The following GPR137B variants were observed in gnomAD, a reference collection of about 807,000 sequenced individuals.
The protein encoded by GPR137B is G protein-coupled receptor 137B, also known as integral membrane protein GPR137B.
In GPR137B, 42 loss-of-function variants were observed where a neutral mutation model predicts 42.5. The ratio of observed to expected loss-of-function variants is 0.99; its 90% CI spans 0.77 to 1.28. The LOEUF (loss-of-function observed/expected upper bound fraction) is 1.28. Among genes scored for constraint, GPR137B ranks in the 50% most tolerant of loss-of-function variants. The pLI, the probability that GPR137B is intolerant of heterozygous loss-of-function variation, is 0.00. For missense variants in GPR137B, 487 were observed against 493.9 expected (o/e 0.99, Z 0.13); for synonymous variants, 218 against 209.7 (o/e 1.04, Z -0.34).
At chr1:236,172,052 A>G (rs1571982377) in intron 2 of GPR137B, among the ~76,000 whole-genome samples, 1 of 152,144 alleles carries the variant, frequency 6.6e-6, no homozygotes, top group Non-Finnish European at 1.5e-5. Flanking sequence ...AAAAAAAAAA[A>G]AAAAAGTGAG....
intron 4 of GPR137B, chr1:236,180,255 A>G: frequency 2.2e-6 from 1 of 446,510 alleles, no homozygotes; most frequent in Non-Finnish European, 4.0e-6. Context: ...AACAGTTGTT[A>G]TACTACATTG....
chr1:236,146,895 G>C (rs1005639062), intron 1 of GPR137B, among the ~76,000 whole-genome samples: 1 of 151,998 alleles, frequency 6.6e-6, no homozygotes, highest in Admixed American at 6.6e-5. Flanking sequence ...TGCAACCTCC[G>C]CCTCCCAGAT....
chr1:236,197,862 A>G (rs964404184), intron 5 of GPR137B, among the ~76,000 whole-genome samples: 94 of 152,262 alleles, frequency 6.2e-4, no homozygotes, highest in Middle Eastern at 3.4e-3. Flanking sequence ...GTGGGATTAC[A>G]GGCATCTACC....
rs548064038 is a variant in GPR137B at position 236,146,768 on chromosome 1, T to A, written c.414+3732T>A. 3.9e-5 allele frequency among the ~76,000 whole-genome samples: 6 copies of A among 152,344 alleles called. No individual in the cohort carries two copies. The East Asian group carries it at 1.2e-3, about 29-fold the overall frequency. On this transcript the variant is annotated intron_variant, in intron 1 of 6. Coordinates refer to ENST00000366592, the MANE Select transcript of GPR137B (RefSeq NM_003272.4). ...TAAATTCTGCCATGTTAAGTCTCTT[T>A]CCACCCCTAATGACCTCTCAGGCAG...
chr1:236,198,046 C>G (rs1338439431), intron 5 of GPR137B, among the ~76,000 whole-genome samples: 1 of 151,966 alleles, frequency 6.6e-6, no homozygotes, highest in Non-Finnish European at 1.5e-5. Context: ...TATACGAGTA[C>G]TATGCTGTTT....
In GPR137B at chr1:236,184,860, G is replaced by A. The variant is rs1405478298; in HGVS notation, c.966+954G>A. 3.9e-5 allele frequency among the ~76,000 whole-genome samples: 6 copies of A among 152,038 alleles called. 1 individual carries two copies. Among genetic ancestry groups the A allele is most frequent in the Admixed American group, 6.6e-5 (1 of 15,262 alleles). ...CAGCTCACTGCAACCTCCGCCTCCC[G>A]GGTTTAAGCGATTCTCCTGCCTCAG... is the stretch of plus-strand genomic sequence containing the variant. On this transcript the variant is annotated intron_variant, in intron 5 of 6. Coordinates refer to ENST00000366592, the MANE Select transcript of GPR137B (RefSeq NM_003272.4).
chr1:236,162,104 T>C (rs1662220333), intron 1 of GPR137B, among the ~76,000 whole-genome samples: 1 of 152,154 alleles, frequency 6.6e-6, no homozygotes, highest in Admixed American at 6.5e-5. Context: ...AGTGATATGG[T>C]CAATAAAATC....
intron 4 of GPR137B, among the ~76,000 whole-genome samples, chr1:236,181,950 C>T (rs1662892228): frequency 7.3e-6 from 1 of 136,482 alleles, no homozygotes; most frequent in African/African-American, 2.9e-5. Context: ...TGGAGTGCAG[C>T]CGCACAATCT....
At chr1:236,169,707 C>G (rs1343005903) in intron 2 of GPR137B, among the ~76,000 whole-genome samples, 1 of 151,960 alleles carries the variant, frequency 6.6e-6, no homozygotes, top group Non-Finnish European at 1.5e-5. Context: ...GGGGAGAGGC[C>G]TATGACTTTC....
rs1218168912 is a variant in GPR137B at position 236,208,137 on chromosome 1, T to C, written c.1179T>C (p.Pro393=). ...CTTTGCAAGACTCAACTTTGGATCC[T>C]GACAAACCAAGCCTTGGGTAGCATC... ...AGTLQDSTLD[P]DKPSLG is the part of the protein sequence containing the mutation. Residue 393 remains proline (P), a synonymous_variant, in exon 7 of 7, where the codon CCT becomes CCC. Coordinates refer to ENST00000366592, the MANE Select transcript of GPR137B (RefSeq NM_003272.4). The C allele has an allele frequency of 6.2e-7, 1 of 1,613,296 alleles. No homozygotes were observed. Among genetic ancestry groups the C allele is most frequent in the African/African-American group, 1.3e-5 (1 of 75,052 alleles).
chr1:236,188,013 C>T (rs10802376), intron 5 of GPR137B, among the ~76,000 whole-genome samples: 50,205 of 151,714 alleles, frequency 0.33, 8,857 homozygotes, highest in East Asian at 0.6. Context: ...CCTTGAGCAG[C>T]AGTTTGTAGT....
intron 1 of GPR137B, among the ~76,000 whole-genome samples, chr1:236,167,127 G>C (rs1571976930): frequency 6.6e-6 from 1 of 152,320 alleles, no homozygotes; most frequent in East Asian, 1.9e-4. Flanking sequence ...CTTCATTGAA[G>C]TATAATTGAC....
chr1:236,181,259 G>GTGA (rs1662865766), intron 4 of GPR137B, among the ~76,000 whole-genome samples: 2 of 152,082 alleles, frequency 1.3e-5, no homozygotes, highest in Admixed American at 1.3e-4. Context: ...GTAGTGAAAT[G>GTGA]TCATCTGCCA....
chr1:236,164,713 T>C (rs1246823639), intron 1 of GPR137B, among the ~76,000 whole-genome samples: 1 of 152,198 alleles, frequency 6.6e-6, no homozygotes, highest in Non-Finnish European at 1.5e-5. Context: ...TGTGCGTTTG[T>C]TGATATTATC....
At position 236,178,498 on chromosome 1, in the gene GPR137B, A is replaced by C. The variant is rs1476932274; in HGVS notation, c.549A>C (p.Gly183=). ...CCTGTGCTGTGCTGGTAAAGACGGG[A>C]AATTGGGAGAGGAAGGTTATCGTCT... is the stretch of plus-strand genomic sequence containing the variant. ...NLTCAVLVKT[G]NWERKVIVSV... The change falls in exon 3 of 7, where the codon GGA becomes GGC. Residue 183 remains glycine, a synonymous_variant. Coordinates refer to ENST00000366592, the MANE Select transcript of GPR137B (RefSeq NM_003272.4). 3 of 1,613,668 alleles carry C rather than the reference A, an allele frequency of 1.9e-6. No individual in the cohort carries two copies. The East Asian group carries it at 6.7e-5, about 36-fold the overall frequency.
intron 1 of GPR137B, among the ~76,000 whole-genome samples, chr1:236,159,315 A>AAAAC (rs71176463): frequency 9.2e-5 from 14 of 152,132 alleles, no homozygotes; most frequent in Non-Finnish European, 1.3e-4. Flanking sequence ...CCGCCTCTTA[A>AAAAC]AAACAAACAA....
At chr1:236,163,712 G>A (rs1047210337) in intron 1 of GPR137B, among the ~76,000 whole-genome samples, 6 of 151,900 alleles carry the variant, frequency 3.9e-5, no homozygotes, top group South Asian at 2.1e-4. Context: ...AGTGCCTTTC[G>A]CCACCCACTG....
At chr1:236,174,422 G>A (rs1662627650) in intron 2 of GPR137B, among the ~76,000 whole-genome samples, 1 of 152,190 alleles carries the variant, frequency 6.6e-6, no homozygotes. Flanking sequence ...AGATTGAGCT[G>A]CCTCTTGAGT....
chr1:236,154,480 C>T (rs777864779), intron 1 of GPR137B, among the ~76,000 whole-genome samples: 1 of 151,840 alleles, frequency 6.6e-6, no homozygotes, highest in African/African-American at 2.4e-5. Flanking sequence ...TTGCTGTTCC[C>T]GAAGGCCCCA....
Sources: gnomAD v4.1 joint callset for allele counts (sites outside exome capture counted in the v4.1 genomes callset) on GRCh38, gnomAD v4.1.1 for gene constraint, MANE v1.5 for transcripts, NCBI Gene and HGNC (gene_info 2026-07-23, HGNC 2026-07-21) for gene names.